BMP6: variants seen among roughly 807,000 people sequenced by gnomAD.
BMP6 encodes VG-1-R.
Under a neutral mutation model 54.1 loss-of-function variants are expected in BMP6, and 17 were observed. The observed-to-expected ratio is 0.31, with a 90% CI of 0.22 to 0.47. The LOEUF is 0.47. BMP6 is among the 20% of genes least tolerant of loss of function. The pLI is 1.00. For synonymous variants in BMP6, 328 were observed against 291.2 expected, an observed-to-expected ratio of 1.13 and a Z score of -1.28; for missense variants, 720 against 690.4, an observed-to-expected ratio of 1.04 and a Z score of -0.48.
At chr6:7,728,305 C>T (rs1761785615) in intron 1 of BMP6, among the ~76,000 whole-genome samples, 1 of 152,222 alleles carries the variant, frequency 6.6e-6, no homozygotes, top group Non-Finnish European at 1.5e-5. Flanking sequence ...ATGCCCTTGG[C>T]CATTGTCCCC....
At chr6:7,768,867 T>C (rs1365835877) in intron 1 of BMP6, among the ~76,000 whole-genome samples, 1 of 152,204 alleles carries the variant, frequency 6.6e-6, no homozygotes, top group African/African-American at 2.4e-5. Flanking sequence ...CAGCTTGCCA[T>C]GATCTGTCAT....
intron 1 of BMP6, among the ~76,000 whole-genome samples, chr6:7,823,627 A>G (rs973884440): frequency 2.0e-5 from 3 of 152,204 alleles, no homozygotes; most frequent in African/African-American, 7.2e-5. Flanking sequence ...AGGTCTACCT[A>G]ACACAGAAGG....
At position 7,844,685 on chromosome 6, in the gene BMP6, C is replaced by T. The variant is rs572944540; in HGVS notation, c.665-455C>T. On this transcript the variant is annotated intron_variant, in intron 1 of 6. Transcript: ENST00000283147. ...GTTATGTCAACTGCTGATGGTGACACGTGAACCAGCCTGAGGAGGGAAGAG... is the reference window on the plus strand; with the variant it reads ...GTTATGTCAACTGCTGATGGTGACATGTGAACCAGCCTGAGGAGGGAAGAG... Among the ~76,000 whole-genome samples, 4 of 152,186 alleles carry T rather than the reference C, an allele frequency of 2.6e-5. No homozygotes were observed. The South Asian group carries it at 6.2e-4, about 24-fold the overall frequency.
intron 4 of BMP6, among the ~76,000 whole-genome samples, chr6:7,876,871 A>G (rs1759628317): frequency 6.6e-6 from 1 of 150,666 alleles, no homozygotes; most frequent in African/African-American, 2.4e-5. Flanking sequence ...CCATTATTTT[A>G]GGTATTCTTC....
chr6:7,805,935 A>T (rs536943167), intron 1 of BMP6, among the ~76,000 whole-genome samples: 2 of 152,246 alleles, frequency 1.3e-5, no homozygotes, highest in Non-Finnish European at 2.9e-5. Context: ...GGTTGGAATG[A>T]CACATGACTG....
intron 2 of BMP6, 91 bp downstream of exon 2, chr6:7,845,423 G>T (rs992663580): frequency 1.6e-4 from 203 of 1,232,036 alleles, no homozygotes; most frequent in Non-Finnish European, 1.6e-4. Flanking sequence ...TCTGTGCAGG[G>T]TGACCTGGAG....
At chr6:7,795,596 A>G (rs1263945163) in intron 1 of BMP6, among the ~76,000 whole-genome samples, 1 of 152,128 alleles carries the variant, frequency 6.6e-6, no homozygotes, top group Non-Finnish European at 1.5e-5. Flanking sequence ...GAGCGATGTG[A>G]CCAGACTTGT....
chr6:7,762,284 A>G (rs1272165827), intron 1 of BMP6, among the ~76,000 whole-genome samples: 1 of 152,208 alleles, frequency 6.6e-6, no homozygotes, highest in Non-Finnish European at 1.5e-5. Context: ...GTCAAATGTC[A>G]ATGCAGTGTT....
Position 7,727,022 on chromosome 6 carries a change from G to T in BMP6, c.67G>T (p.Gly23Trp). 3 of 1,120,912 alleles carry T rather than the reference G, an allele frequency of 2.7e-6. No individual in the cohort carries two copies. Among genetic ancestry groups the T allele is most frequent in the Non-Finnish European group, 3.3e-6 (3 of 918,510 alleles). 69.4% of individuals were successfully genotyped at this position (1,120,912 alleles called of 1,614,324 possible). ...WWWGLLCSCC[G>W]PPPLRPPLPA... ...GTGGGGGCTGCTGTGCAGCTGCTGC[G>T]GGCCCCCGCCGCTGCGGCCGCCCTT... The change falls in exon 1 of 7, where the codon GGG (glycine) becomes TGG (tryptophan). Residue 23 changes from glycine (G) to tryptophan (W), a missense_variant. Gly to Trp is a radical substitution (Grantham distance 184). Transcript: ENST00000283147.
intron 1 of BMP6, among the ~76,000 whole-genome samples, chr6:7,759,783 G>A (rs1233261103): frequency 3.1e-5 from 4 of 129,418 alleles, no homozygotes; most frequent in Non-Finnish European, 4.6e-5. Context: ...AACTCACTGC[G>A]GCCTCTGCCT....
chr6:7,790,403 A>G (rs1023275776), intron 1 of BMP6, among the ~76,000 whole-genome samples: 1 of 150,768 alleles, frequency 6.6e-6, no homozygotes, highest in African/African-American at 2.4e-5. Context: ...CTGTAGTCCC[A>G]GCTACTTGGG....
intron 1 of BMP6, among the ~76,000 whole-genome samples, chr6:7,786,097 G>A (rs962645503): frequency 6.6e-6 from 1 of 152,204 alleles, no homozygotes; most frequent in Admixed American, 6.5e-5. Context: ...GCACGTACAC[G>A]CGTCTTTGGT....
chr6:7,881,629 CAA>C lies in BMP6; in HGVS notation c.*1287_*1288del, dbSNP rs3031019. ...TGATGCAAAGCTGAAGTTGTGTGTA[CAA>C]GACTCTTGACAGTTGTGCTTCTCTA... On this transcript the variant is annotated 3_prime_UTR_variant, in exon 7 of 7. Transcript: ENST00000283147. The C allele has an allele frequency of 0.21, 31,748 of 151,950 alleles. 4,821 individuals carry two copies. The highest frequency in any genetic ancestry group is 0.44 in the African/African-American group (18,099 of 41,354). 9.4% of individuals were successfully genotyped at this position (151,950 alleles called of 1,614,324 possible).
At chr6:7,823,744 A>C (rs1317669457) in intron 1 of BMP6, among the ~76,000 whole-genome samples, 1 of 152,152 alleles carries the variant, frequency 6.6e-6, no homozygotes, top group East Asian at 1.9e-4. Flanking sequence ...GCATGTGCAA[A>C]GGTCCTGTGG....
At chr6:7,759,679 C>CT (rs1210104676) in intron 1 of BMP6, among the ~76,000 whole-genome samples, 2 of 136,822 alleles carry the variant, frequency 1.5e-5, no homozygotes, top group African/African-American at 5.5e-5. Flanking sequence ...ATTTTAAAGA[C>CT]TAATTTCTTT....
chr6:7,869,079 T>A (rs1759478167), intron 4 of BMP6, among the ~76,000 whole-genome samples: 1 of 152,196 alleles, frequency 6.6e-6, no homozygotes, highest in Non-Finnish European at 1.5e-5. Flanking sequence ...GCACCCCCCC[T>A]GGGAGCCCAC....
chr6:7,862,330 C>A lies in BMP6; in HGVS notation c.1036C>A (p.Leu346Met), dbSNP rs1458031910. 6.2e-7 allele frequency: 1 copy of A among 1,614,112 alleles called. No individual in the cohort carries two copies. Among genetic ancestry groups the A allele is most frequent in the African/African-American group, 1.3e-5 (1 of 74,944 alleles). The change falls in exon 4 of 7, where the codon CTG (leucine) becomes ATG (methionine). Residue 346 changes from leucine to methionine, a missense_variant. Around this residue, in one of 3 missense-constraint regions of BMP6, gnomAD observed 650 missense variants for 556.3 expected, o/e 1.17. Coordinates refer to ENST00000283147, the MANE Select transcript of BMP6 (RefSeq NM_001718.6). ...GVHVHPRAAG[L>M]VGRDGPYDKQ... Reference sequence around the variant, plus strand: ...CCACGTCCACCCCCGAGCCGCAGGCCTGGTGGGCAGAGACGGCCCTTACGA... The same window carrying A: ...CCACGTCCACCCCCGAGCCGCAGGCATGGTGGGCAGAGACGGCCCTTACGA...
chr6:7,748,325 GC>G (rs1159545310), intron 1 of BMP6, among the ~76,000 whole-genome samples: 1 of 152,120 alleles, frequency 6.6e-6, no homozygotes, highest in African/African-American at 2.4e-5. Flanking sequence ...GTAGTTAGAA[GC>G]TTTTATTAGA....
intron 2 of BMP6, among the ~76,000 whole-genome samples, chr6:7,852,659 T>G (rs1759163053): frequency 6.6e-6 from 1 of 152,200 alleles, no homozygotes. Context: ...CCCTCTTCCT[T>G]GGTGGACTCT....
Sources: gnomAD v4.1 joint callset for allele counts (sites outside exome capture counted in the v4.1 genomes callset) on GRCh38, gnomAD v4.1.1 for gene constraint, gnomAD v4.1.1 regional missense constraint, MANE v1.5 for transcripts, NCBI Gene and HGNC (gene_info 2026-07-23, HGNC 2026-07-21) for gene names.